The following BNC2 variants were observed in gnomAD, a reference collection of about 807,000 sequenced individuals.
The protein encoded by BNC2 is basonuclin zinc finger protein 2, also known as zinc finger protein basonuclin-2.
BNC2 carries 20 observed loss-of-function variants against 76.3 expected under a neutral mutation model. The ratio of observed to expected loss-of-function variants is 0.26; its 90% CI spans 0.18 to 0.38. BNC2 has a LOEUF of 0.38. Ranked by LOEUF, BNC2 falls within the 10% of genes least tolerant of loss-of-function variation. BNC2 has a pLI of 1.00. For missense variants in BNC2, 1,382 were observed against 1,399.8 expected (o/e 0.99, Z 0.20); for synonymous variants, 582 against 514.8 (o/e 1.13, Z -1.77).
intron 5 of BNC2, among the ~76,000 whole-genome samples, chr9:16,505,057 T>C (rs1231460466): frequency 2.0e-5 from 3 of 152,246 alleles, no homozygotes; most frequent in African/African-American, 7.2e-5. Context: ...GAGGCAATAC[T>C]GCTAACTTTT....
chr9:16,836,838 TC>T (rs1563964637), intron 1 of BNC2, among the ~76,000 whole-genome samples: 1 of 152,174 alleles, frequency 6.6e-6, no homozygotes, highest in East Asian at 1.9e-4. Flanking sequence ...AAATTAAACT[TC>T]CTGCTTATAA....
chr9:16,756,775 G>A (rs1455016048), intron 1 of BNC2, among the ~76,000 whole-genome samples: 1 of 152,122 alleles, frequency 6.6e-6, no homozygotes, highest in East Asian at 1.9e-4. Context: ...AAATCACAAG[G>A]TCAGGAGATC....
At chr9:16,797,352 A>C (rs889234969) in intron 1 of BNC2, among the ~76,000 whole-genome samples, 4 of 152,166 alleles carry the variant, frequency 2.6e-5, no homozygotes, top group African/African-American at 7.2e-5. Flanking sequence ...CTGTAGATTA[A>C]ATGAGCTCCT....
chr9:16,847,851 A>C (rs952555721), intron 1 of BNC2, among the ~76,000 whole-genome samples: 8 of 152,244 alleles, frequency 5.3e-5, no homozygotes, highest in Admixed American at 3.3e-4. Flanking sequence ...GATTATTTAA[A>C]ATAAAGTATG....
chr9:16,511,174 A>G (rs533876671), intron 5 of BNC2, among the ~76,000 whole-genome samples: 161 of 144,612 alleles, frequency 1.1e-3, no homozygotes, highest in African/African-American at 3.9e-3. Flanking sequence ...CAGTGGTGCG[A>G]TCATACCTCA....
chr9:16,732,917 G>A (rs2135055882), intron 2 of BNC2, among the ~76,000 whole-genome samples: 1 of 152,270 alleles, frequency 6.6e-6, no homozygotes, highest in Middle Eastern at 3.4e-3. Context: ...AATCTTATAT[G>A]TGGACTCAGG....
intron 5 of BNC2, among the ~76,000 whole-genome samples, chr9:16,469,240 C>G (rs200833631): frequency 3.9e-5 from 6 of 152,184 alleles, no homozygotes; most frequent in South Asian, 2.1e-4. Context: ...TGGTTTGGCT[C>G]TGTCCCCACC....
chr9:16,754,418 G>A (rs1825315604), intron 1 of BNC2, among the ~76,000 whole-genome samples: 2 of 152,114 alleles, frequency 1.3e-5, no homozygotes, highest in Non-Finnish European at 2.9e-5. Flanking sequence ...AAACTGACCT[G>A]TCCGATATAA....
intron 3 of BNC2, among the ~76,000 whole-genome samples, chr9:16,607,762 T>C (rs936979716): frequency 1.3e-5 from 2 of 152,212 alleles, no homozygotes; most frequent in Admixed American, 1.3e-4. Flanking sequence ...AGTTAAGACT[T>C]CCAGATGGAA....
In BNC2 at chr9:16,685,522, G is replaced by A. The variant is rs1047554872; in HGVS notation, c.330+42275C>T. The A allele has an allele frequency of 1.7e-5, 22 of 1,288,500 alleles. No individual in the cohort carries two copies. In the East Asian group the frequency reaches 7.2e-4, roughly 42 times the overall value. The allele number at this position is 1,288,500 out of a possible 1,614,324, so 79.8% of individuals were successfully genotyped here. On this transcript the variant is annotated intron_variant, in intron 3 of 6. Transcript: ENST00000380672. ...TGTTTCTGTCACACCACCCCTAGCTGAGAAAACAGTTAAGACTCTAACCTG... is the reference window on the plus strand; with the variant it reads ...TGTTTCTGTCACACCACCCCTAGCTAAGAAAACAGTTAAGACTCTAACCTG...
intron 5 of BNC2, among the ~76,000 whole-genome samples, chr9:16,457,064 A>G (rs998695326): frequency 1.3e-5 from 2 of 152,194 alleles, no homozygotes; most frequent in African/African-American, 4.8e-5. Flanking sequence ...TTTATCCCTC[A>G]GTTCTAATGG....
intron 3 of BNC2, among the ~76,000 whole-genome samples, chr9:16,618,133 G>A (rs1193791003): frequency 1.3e-5 from 2 of 152,130 alleles, no homozygotes; most frequent in African/African-American, 2.4e-5. Flanking sequence ...ATACCCAATG[G>A]AACGCCAGCT....
chr9:16,571,169 A>C (rs990746172), intron 4 of BNC2, among the ~76,000 whole-genome samples: 1 of 152,324 alleles, frequency 6.6e-6, no homozygotes, highest in East Asian at 1.9e-4. Context: ...CCTAATTTAC[A>C]GCTTGCACAT....
chr9:16,722,089 A>G (rs981813028), intron 3 of BNC2, among the ~76,000 whole-genome samples: 4 of 152,158 alleles, frequency 2.6e-5, no homozygotes, highest in African/African-American at 9.7e-5. Flanking sequence ...AGGTAGAGAG[A>G]GGGAGGCACC....
Position 16,738,420 on chromosome 9 carries a change from C to G in BNC2, c.69G>C (p.Glu23Asp). 1 of 1,613,976 alleles carries G rather than the reference C, an allele frequency of 6.2e-7. No individual in the cohort carries two copies. ...LNYKSEDRLS[E>D]QDWPAYFKVP... ...CCTTGAAATATGCTGGCCAGTCTTG[C>G]TCACTAAGCCTGTCCTCTGATTTGT... Residue 23 changes from glutamate to aspartate, a missense_variant, in exon 2 of 7, where the codon GAG becomes GAC. This residue lies in a region of BNC2 where 557 missense variants were observed against 540.9 expected (regional missense o/e 1.03). Coordinates refer to ENST00000380672, the MANE Select transcript of BNC2 (RefSeq NM_017637.6).
intron 5 of BNC2, among the ~76,000 whole-genome samples, chr9:16,539,645 GA>G (rs1745430340): frequency 4.3e-5 from 2 of 46,314 alleles, no homozygotes; most frequent in African/African-American, 1.7e-4. Context: ...GAGGGAGGGA[GA>G]GAGAGAGAGA....
At chr9:16,457,216 C>G (rs1250668181) in intron 5 of BNC2, among the ~76,000 whole-genome samples, 1 of 152,124 alleles carries the variant, frequency 6.6e-6, no homozygotes, top group Non-Finnish European at 1.5e-5. Flanking sequence ...TCATATGGAA[C>G]AAGGGGTGTC....
intron 3 of BNC2, among the ~76,000 whole-genome samples, chr9:16,613,739 C>T (rs1045623985): frequency 6.6e-6 from 1 of 152,186 alleles, no homozygotes; most frequent in African/African-American, 2.4e-5. Flanking sequence ...AGTGAGAAAT[C>T]CTGGGTAACC....
intron 3 of BNC2, 24 bp downstream of exon 3, chr9:16,727,773 A>C: frequency 6.3e-7 from 1 of 1,593,380 alleles, no homozygotes; most frequent in Non-Finnish European, 8.5e-7. Flanking sequence ...AAGAAAAAAA[A>C]AATCAAGAAA....
Sources: allele counts gnomAD v4.1 joint callset (sites outside exome capture counted in the v4.1 genomes callset), GRCh38; gene constraint gnomAD v4.1.1; regional missense constraint gnomAD v4.1.1; transcripts MANE v1.5; gene names NCBI Gene and HGNC (gene_info 2026-07-23, HGNC 2026-07-21).